Variants in LCN1 observed in about 807,000 individuals in gnomAD.
LCN1 encodes the protein lipocalin 1.
Under a neutral mutation model 22.3 loss-of-function variants are expected in LCN1, and 25 were observed. The observed-to-expected ratio is 1.12, with a 90% CI of 0.82 to 1.56. LCN1 has a LOEUF of 1.56. Among genes scored for constraint, LCN1 ranks in the 40% most tolerant of loss-of-function variants. The pLI is 0.00. For missense variants in LCN1, 219 were observed against 235.6 expected, an observed-to-expected ratio of 0.93 and a Z score of 0.46; for synonymous variants, 85 against 97.6, an observed-to-expected ratio of 0.87 and a Z score of 0.76.
chr9:135,521,770 G>C (rs940935174), intron 1 of LCN1, among the ~76,000 whole-genome samples, 183 bp downstream of exon 1: 1 of 152,092 alleles, frequency 6.6e-6, no homozygotes, highest in Admixed American at 6.5e-5. Flanking sequence ...GGTGGCGCAG[G>C]GGTGCAGAGT....
chr9:135,523,345 G>A lies in LCN1; in HGVS notation c.292+43G>A, dbSNP rs755617276. The stretch of plus-strand genomic sequence containing the variant: ...AGCCAGAGCCTGAGCTTGAACACAC[G>A]CTGGATGTGCGGGGGCAGCCAGTGC... On this transcript the variant is annotated intron_variant, in intron 3 of 6. Transcript: ENST00000371781. 10 of 1,573,952 alleles carry A rather than the reference G, an allele frequency of 6.4e-6. No individual in the cohort carries two copies. The East Asian group carries it at 6.8e-5, about 11-fold the overall frequency.
In LCN1 at chr9:135,526,418, GA is replaced by G. The variant is rs1831652731; in HGVS notation, c.*81del. On this transcript the variant is annotated 3_prime_UTR_variant, in exon 7 of 7. Coordinates refer to ENST00000371781, the MANE Select transcript of LCN1 (RefSeq NM_002297.4). Reference sequence around the variant, plus strand: ...CACCTCCGTCATTCACAGGGACATGGAAAAAGCTCCCCACCCCTGCAGAACG... The same window carrying G: ...CACCTCCGTCATTCACAGGGACATGGAAAAGCTCCCCACCCCTGCAGAACG... 5.4e-6 allele frequency: 7 copies of G among 1,285,924 alleles called. No homozygotes were observed. Among genetic ancestry groups the G allele is most frequent in the Non-Finnish European group, 7.1e-6 (7 of 987,536 alleles). The allele number at this position is 1,285,924 out of a possible 1,614,324, so 79.7% of individuals were successfully genotyped here.
At chr9:135,523,781 A>T in intron 3 of LCN1, 99 bp from the exon 4 acceptor site, 1 of 963,318 alleles carries the variant, frequency 1.0e-6, no homozygotes, top group Non-Finnish European at 1.6e-6. Context: ...AGGGTGCAGG[A>T]GCTGCGGGGC....
chr9:135,524,336 A>AG (rs1394736283), intron 4 of LCN1, among the ~76,000 whole-genome samples: 1 of 152,260 alleles, frequency 6.6e-6, no homozygotes, highest in East Asian at 1.9e-4. Flanking sequence ...AGCAGGAGAG[A>AG]GGAACAGGGA....
At chr9:135,524,080 GC>G in intron 4 of LCN1, 90 bp downstream of exon 4, 1 of 966,800 alleles carries the variant, frequency 1.0e-6, no homozygotes, top group East Asian at 2.5e-5. Context: ...CATGGGAGAA[GC>G]CACTGGGACC....
In LCN1 at chr9:135,524,842, A is replaced by G; in HGVS notation, c.416A>G (p.Lys139Arg). 1.2e-6 allele frequency: 2 copies of G among 1,605,212 alleles called. No individual in the cohort carries two copies. The highest frequency in any genetic ancestry group is 1.7e-6 in the Non-Finnish European group (2 of 1,175,986). ...RGVKLVGRDP[K>R]NNLEALEDFE... ...CTGGCACCCACAGGCAGAGACCCCA[A>G]GAACAACCTGGAAGCCTTGGAGGAC... Residue 139 changes from lysine to arginine, a missense_variant, in exon 5 of 7, where the codon AAG becomes AGG. Lys to Arg is a conservative substitution (Grantham distance 26, BLOSUM62 2). Coordinates refer to ENST00000371781, the MANE Select transcript of LCN1 (RefSeq NM_002297.4).
chr9:135,525,146 G>A lies in LCN1; in HGVS notation c.520G>A (p.Gly174Arg). Residue 174 changes from glycine to arginine, a missense_variant, in exon 6 of 7, where the codon GGG becomes AGG. By Grantham distance (125) the Gly-to-Arg change is moderately radical. Transcript: ENST00000371781. ...TTTTCCTGCAGAAACCTGCTCTCCA[G>A]GGAGCGATTAGGGTGAGTGAACAGC... is the stretch of plus-strand genomic sequence containing the variant. The part of the protein sequence containing the change: ...IPRQSETCSP[G>R]SD The A allele has an allele frequency of 2.5e-6, 4 of 1,613,708 alleles. No individual in the cohort carries two copies. Among genetic ancestry groups the A allele is most frequent in the Non-Finnish European group, 3.4e-6 (4 of 1,179,776 alleles).
chr9:135,524,041 C>T (rs769451785), intron 4 of LCN1, 51 bp downstream of exon 4: 1 of 1,317,620 alleles, frequency 7.6e-7, no homozygotes, highest in South Asian at 1.2e-5. Context: ...TGCCCTCCCT[C>T]CTCCCTCGGC....
At chr9:135,524,468 G>C (rs779547556) in intron 4 of LCN1, among the ~76,000 whole-genome samples, 2 of 152,202 alleles carry the variant, frequency 1.3e-5, no homozygotes, top group African/African-American at 2.4e-5. Context: ...GCCCATGAAG[G>C]CTCCTGAGTT....
Position 135,526,340 on chromosome 9 carries a change from C to G in LCN1, c.*2-4C>G. Reference sequence around the variant, plus strand: ...GGCCTCACTCACCCTCCCCCCCTTTCCAGGGCAGGGGACACCTTGGCTCCT... The same window carrying G: ...GGCCTCACTCACCCTCCCCCCCTTTGCAGGGCAGGGGACACCTTGGCTCCT... On this transcript the variant is annotated splice_polypyrimidine_tract_variant and splice_region_variant and intron_variant, in intron 6 of 6. Transcript: ENST00000371781. 1 of 1,246,538 alleles carries G rather than the reference C, an allele frequency of 8.0e-7. No individual in the cohort carries two copies. The highest frequency in any genetic ancestry group is 1.0e-6 in the Non-Finnish European group (1 of 965,844). The allele number at this position is 1,246,538 out of a possible 1,614,324, so 77.2% of individuals were successfully genotyped here. A position where few individuals can be genotyped will look rare whatever the true frequency, so the allele number is the denominator to read the frequency against.
intron 4 of LCN1, 39 bp downstream of exon 4, chr9:135,524,029 C>T: frequency 2.0e-6 from 3 of 1,475,162 alleles, no homozygotes; most frequent in Non-Finnish European, 2.8e-6. Flanking sequence ...CATGCCTCCA[C>T]CTGCCCTCCC....
chr9:135,524,032 G>A lies in LCN1; in HGVS notation c.403+42G>A, dbSNP rs367859507. ...CACCCTGCAACCCATGCCTCCACCT[G>A]CCCTCCCTCCTCCCTCGGCCTCCTG... On this transcript the variant is annotated intron_variant, in intron 4 of 6. Transcript: ENST00000371781. The A allele has an allele frequency of 4.5e-4, 664 of 1,465,526 alleles. 5 individuals carry two copies. The African/African-American group carries it at 8.0e-3, about 18-fold the overall frequency. 90.8% of individuals were successfully genotyped at this position (1,465,526 alleles called of 1,614,324 possible). A position where few individuals can be genotyped will look rare whatever the true frequency, so the allele number is the denominator to read the frequency against.
At chr9:135,522,431 G>A (rs570654835) in intron 2 of LCN1, among the ~76,000 whole-genome samples, 2 of 152,370 alleles carry the variant, frequency 1.3e-5, no homozygotes, top group African/African-American at 4.8e-5. Context: ...TTCCTCCTCC[G>A]ACTAGGGAAT....
chr9:135,522,350 G>T (rs1331743505), intron 2 of LCN1, among the ~76,000 whole-genome samples, 173 bp downstream of exon 2: 1 of 152,204 alleles, frequency 6.6e-6, no homozygotes, highest in Admixed American at 6.5e-5. Flanking sequence ...TCGGCTGGAG[G>T]GGCCCTGAGG....
intron 4 of LCN1, 27 bp from the exon 5 acceptor site, chr9:135,524,803 A>AC: frequency 6.4e-7 from 1 of 1,565,010 alleles, no homozygotes; most frequent in Non-Finnish European, 8.7e-7. Flanking sequence ...TGCCTCGAGC[A>AC]CCCACATCTC....
At chr9:135,523,527 G>C (rs1315016481) in intron 3 of LCN1, among the ~76,000 whole-genome samples, 1 of 152,238 alleles carries the variant, frequency 6.6e-6, no homozygotes, top group Non-Finnish European at 1.5e-5. Flanking sequence ...CGGACCCTCT[G>C]GGCTTGCCCT....
At chr9:135,523,673 G>A (rs1831556344) in intron 3 of LCN1, among the ~76,000 whole-genome samples, 1 of 152,176 alleles carries the variant, frequency 6.6e-6, no homozygotes, top group African/African-American at 2.4e-5. Context: ...GGATGTGGCC[G>A]CCTCTTGGGT....
At position 135,521,484 on chromosome 9, in the gene LCN1, C is replaced by G; in HGVS notation, c.-14C>G. 6.2e-7 allele frequency: 1 copy of G among 1,610,770 alleles called. No individual in the cohort carries two copies. The highest frequency in any genetic ancestry group is 8.5e-7 in the Non-Finnish European group (1 of 1,179,148). On this transcript the variant is annotated 5_prime_UTR_variant, in exon 1 of 7. Coordinates refer to ENST00000371781, the MANE Select transcript of LCN1 (RefSeq NM_002297.4). Reference sequence around the variant, plus strand: ...AAGCGACCTGTCAGGCGGCCGTGGACTCAGACTCCGGAGATGAAGCCCCTG... The same window carrying G: ...AAGCGACCTGTCAGGCGGCCGTGGAGTCAGACTCCGGAGATGAAGCCCCTG...
chr9:135,521,997 G>T, intron 1 of LCN1, 50 bp from the exon 2 acceptor site: 2 of 1,579,078 alleles, frequency 1.3e-6, no homozygotes, highest in Non-Finnish European at 1.7e-6. Flanking sequence ...AGGGAAGGGG[G>T]AGGCTCTGGA....
Sources: allele counts gnomAD v4.1 joint callset (sites outside exome capture counted in the v4.1 genomes callset), GRCh38; gene constraint gnomAD v4.1.1; transcripts MANE v1.5; gene names NCBI Gene and HGNC (gene_info 2026-07-23, HGNC 2026-07-21).